The following TBC1D5 variants were observed in gnomAD, a reference collection of about 807,000 sequenced individuals.
TBC1D5 encodes TBC1 domain family member 5.
Under a neutral mutation model 100.3 loss-of-function variants are expected in TBC1D5, and 75 were observed. That is an observed-to-expected ratio of 0.75 (90% confidence interval 0.62 to 0.91). The LOEUF (loss-of-function observed/expected upper bound fraction) is 0.91, where lower values mean the gene tolerates loss of function less well. Ranked by LOEUF, TBC1D5 falls within the 40% of genes least tolerant of loss-of-function variation. TBC1D5 has a pLI of 0.00. For synonymous variants in TBC1D5, 323 were observed against 325.6 expected (o/e 0.99, Z 0.09); for missense variants, 910 against 942.4 (o/e 0.97, Z 0.45).
At chr3:17,646,181 A>G (rs1326515972) in intron 1 of TBC1D5, among the ~76,000 whole-genome samples, 3 of 152,118 alleles carry the variant, frequency 2.0e-5, no homozygotes, top group Non-Finnish European at 4.4e-5. Flanking sequence ...ACACAGAAAG[A>G]AGATGGCCAT....
At chr3:17,282,940 C>T (rs936586635) in intron 15 of TBC1D5, among the ~76,000 whole-genome samples, 5 of 152,164 alleles carry the variant, frequency 3.3e-5, no homozygotes, top group Non-Finnish European at 4.4e-5. Context: ...GTATTAAGGG[C>T]GATATAGTCA....
chr3:17,537,206 C>G (rs1376751091), intron 2 of TBC1D5, among the ~76,000 whole-genome samples: 1 of 152,184 alleles, frequency 6.6e-6, no homozygotes, highest in Non-Finnish European at 1.5e-5. Context: ...ATACCAGAGT[C>G]AGCTTGGAAA....
chr3:17,255,505 C>T (rs2077560838), intron 16 of TBC1D5, among the ~76,000 whole-genome samples: 1 of 152,100 alleles, frequency 6.6e-6, no homozygotes, highest in Non-Finnish European at 1.5e-5. Context: ...CGGCCAGATC[C>T]TGTGTTTCTT....
At chr3:17,681,772 G>A (rs2069509068) in intron 1 of TBC1D5, among the ~76,000 whole-genome samples, 1 of 151,504 alleles carries the variant, frequency 6.6e-6, no homozygotes, top group Non-Finnish European at 1.5e-5. Context: ...TCAGGTAGGT[G>A]GCCTGTTAGA....
chr3:17,696,390 A>C (rs963061420), intron 1 of TBC1D5, among the ~76,000 whole-genome samples: 2 of 152,228 alleles, frequency 1.3e-5, no homozygotes, highest in African/African-American at 2.4e-5. Context: ...AGAATCAAAT[A>C]GATGCAATAA....
At chr3:17,211,361 G>A (rs1006711528) in intron 18 of TBC1D5, among the ~76,000 whole-genome samples, 1 of 152,244 alleles carries the variant, frequency 6.6e-6, no homozygotes, top group Admixed American at 6.5e-5. Flanking sequence ...AAGTGGCGGA[G>A]GCCTGGGGTC....
chr3:17,263,194 C>T (rs1380200893), intron 15 of TBC1D5, among the ~76,000 whole-genome samples: 1 of 151,544 alleles, frequency 6.6e-6, no homozygotes, highest in Non-Finnish European at 1.5e-5. Flanking sequence ...ACTGCGAGAT[C>T]CTATCTCTTA....
intron 1 of TBC1D5, among the ~76,000 whole-genome samples, chr3:17,647,446 T>C (rs921810104): frequency 6.6e-6 from 1 of 151,960 alleles, no homozygotes; most frequent in African/African-American, 2.4e-5. Flanking sequence ...AGCAAGGTTA[T>C]GATTTTATAT....
At chr3:17,665,851 G>C (rs992172996) in intron 1 of TBC1D5, among the ~76,000 whole-genome samples, 4 of 152,104 alleles carry the variant, frequency 2.6e-5, no homozygotes, top group African/African-American at 9.7e-5. Flanking sequence ...GCAAACTCTT[G>C]AGATCTTTTC....
At chr3:17,579,757 T>C (rs911104025) in intron 2 of TBC1D5, among the ~76,000 whole-genome samples, 2 of 152,108 alleles carry the variant, frequency 1.3e-5, no homozygotes, top group Admixed American at 6.6e-5. Context: ...GTTAGCTGAG[T>C]ACCTGCCATA....
intron 2 of TBC1D5, among the ~76,000 whole-genome samples, chr3:17,606,938 G>A (rs1020260567): frequency 6.6e-6 from 1 of 152,064 alleles, no homozygotes; most frequent in Non-Finnish European, 1.5e-5. Context: ...AAAATGATAA[G>A]AAATGGCTTA....
At chr3:17,205,697 T>G (rs1269093117) in intron 18 of TBC1D5, among the ~76,000 whole-genome samples, 1 of 152,100 alleles carries the variant, frequency 6.6e-6, no homozygotes, top group Non-Finnish European at 1.5e-5. Context: ...GGCATGGAAT[T>G]TAATTCTGGT....
At position 17,308,142 on chromosome 3, in the gene TBC1D5, G is replaced by T; in HGVS notation, c.996-8C>A. On this transcript the variant is annotated splice_polypyrimidine_tract_variant and splice_region_variant and intron_variant, in intron 13 of 21. Transcript: ENST00000253692. ...AGCAGCCGCACCCACCTTCTGGAAA[G>T]AAACAAAACAAAAATTCAGAAGACA... is the stretch of plus-strand genomic sequence containing the variant. 1.3e-6 allele frequency: 2 copies of T among 1,563,438 alleles called. No homozygotes were observed. The highest frequency in any genetic ancestry group is 2.3e-5 in the East Asian group (1 of 42,898).
chr3:17,671,230 G>T (rs534297372), intron 1 of TBC1D5, among the ~76,000 whole-genome samples: 1 of 152,196 alleles, frequency 6.6e-6, no homozygotes, highest in Non-Finnish European at 1.5e-5. Context: ...GTACAATACA[G>T]ATGCAGAAGG....
intron 18 of TBC1D5, among the ~76,000 whole-genome samples, chr3:17,198,753 A>T (rs545891670): frequency 9.3e-4 from 141 of 152,322 alleles, no homozygotes; most frequent in African/African-American, 3.3e-3. Context: ...TGCATCCTTG[A>T]AGACACAGGT....
At chr3:17,167,559 G>A (rs987586717) in intron 20 of TBC1D5, among the ~76,000 whole-genome samples, 190 bp downstream of exon 21, 3 of 152,330 alleles carry the variant, frequency 2.0e-5, no homozygotes, top group South Asian at 2.1e-4. Flanking sequence ...AGCGTGGGTC[G>A]CAAGCTAGTC....
At chr3:17,183,740 T>G (rs548265859) in intron 19 of TBC1D5, among the ~76,000 whole-genome samples, 5 of 152,150 alleles carry the variant, frequency 3.3e-5, no homozygotes, top group African/African-American at 4.8e-5. Context: ...AAGAGAACAT[T>G]TATTATTTTA....
At chr3:17,265,753 C>T (rs756071289) in intron 15 of TBC1D5, among the ~76,000 whole-genome samples, 1 of 152,102 alleles carries the variant, frequency 6.6e-6, no homozygotes, top group South Asian at 2.1e-4. Context: ...CATCCAAGTG[C>T]AGAGATGCCA....
At chr3:17,493,358 G>A (rs2095663089) in intron 3 of TBC1D5, among the ~76,000 whole-genome samples, 1 of 151,636 alleles carries the variant, frequency 6.6e-6, no homozygotes, top group South Asian at 2.1e-4. Context: ...CTTTCTCTCT[G>A]GCTGCCCTTA....
Sources: gnomAD v4.1 joint callset for allele counts (sites outside exome capture counted in the v4.1 genomes callset) on GRCh38, gnomAD v4.1.1 for gene constraint, MANE v1.5 for transcripts, NCBI Gene and HGNC (gene_info 2026-07-23, HGNC 2026-07-21) for gene names.